PNPLA7: variants seen among roughly 807,000 people sequenced by gnomAD.
The protein encoded by PNPLA7 is patatin-like phospholipase domain-containing protein 7.
A neutral mutation model predicts 161.7 loss-of-function variants in PNPLA7; 153 were observed. The ratio of observed to expected loss-of-function variants is 0.95; its 90% confidence interval spans 0.83 to 1.08. The LOEUF is 1.08. Ranked by LOEUF, PNPLA7 falls within the 50% of genes least tolerant of loss-of-function variation. PNPLA7 has a pLI of 0.00. For synonymous variants in PNPLA7, 809 were observed against 782.1 expected (o/e 1.03, Z -0.57); for missense variants, 1,739 against 1,856.6 (o/e 0.94, Z 1.16).
Position 137,499,729 on chromosome 9 carries a change from G to C in PNPLA7, c.1757+962C>G, listed in dbSNP as rs1833275722. On this transcript the variant is annotated intron_variant, in intron 16 of 34. Coordinates refer to ENST00000406427, the MANE Select transcript of PNPLA7 (RefSeq NM_001098537.3). This position sits in a 1 kb window ranked among gnomAD's most constrained non-coding sequence, Gnocchi z 5.5. ...CCCCTTGCCCGGCTCGGGGTCCCCA[G>C]GCTGAAGCAGCAACGGCGCGGTGCC... Among the ~76,000 whole-genome samples, 1 of 152,254 alleles carries C rather than the reference G, an allele frequency of 6.6e-6. No homozygotes were observed.
rs532244437 is a variant in PNPLA7 at position 137,497,211 on chromosome 9, G to C, written c.1989C>G (p.Tyr663Ter). ...CCACGCCGACGAGGTCTCCTCGGCC[G>C]TACTCCCCGGCCAGGCGCTTCTTCC... ...DDGKKRLAGE[Y>*]GRGDLVGVVE... Residue 663 changes from tyrosine (Y) to a stop codon, truncating the protein, a stop_gained, in exon 18 of 35, where the codon TAC becomes TAG. Transcript: ENST00000406427. LOFTEE classifies it high-confidence loss of function. The C allele has an allele frequency of 6.3e-7, 1 of 1,585,894 alleles. No homozygotes were observed. The highest frequency in any genetic ancestry group is 2.3e-5 in the East Asian group (1 of 42,926).
At chr9:137,527,799 G>A (rs1056522755) in intron 8 of PNPLA7, among the ~76,000 whole-genome samples, 10 of 152,156 alleles carry the variant, frequency 6.6e-5, no homozygotes, top group Admixed American at 2.6e-4. Context: ...CTACTTTTCC[G>A]GAGAAGTTTG....
intron 10 of PNPLA7, among the ~76,000 whole-genome samples, chr9:137,521,382 C>A (rs897199945): frequency 8.5e-5 from 13 of 152,208 alleles, no homozygotes; most frequent in African/African-American, 2.9e-4. Flanking sequence ...CCAAGTCCAA[C>A]GGATCAGAGA....
chr9:137,548,414 C>T (rs529203849), intron 1 of PNPLA7, among the ~76,000 whole-genome samples: 1 of 152,290 alleles, frequency 6.6e-6, no homozygotes, highest in African/African-American at 2.4e-5. Flanking sequence ...AACACCCACC[C>T]CCGCCTCACT....
Position 137,467,338 on chromosome 9 carries a change from G to A in PNPLA7, c.3018C>T (p.Ile1006=). ...TTACCTCGGCCCACTGCTTGGCCCG[G>A]ATCCGCATCTGGCTGTAGTTCCGCT... The part of the protein sequence containing the change: ...SEERNYSQMR[I]RAKQWAEGMT... The change falls in exon 26 of 35, where the codon ATC becomes ATT. Residue 1006 remains isoleucine, a synonymous_variant. Coordinates refer to ENST00000406427, the MANE Select transcript of PNPLA7 (RefSeq NM_001098537.3). The surrounding 1 kb of genome is among the most constrained non-coding windows in gnomAD (Gnocchi z 5.1). 3 of 1,613,556 alleles carry A rather than the reference G, an allele frequency of 1.9e-6. No individual in the cohort carries two copies. The highest frequency in any genetic ancestry group is 2.5e-6 in the Non-Finnish European group (3 of 1,179,926).
At position 137,515,509 on chromosome 9, in the gene PNPLA7, G is replaced by A. The variant is rs754736512; in HGVS notation, c.1095C>T (p.Gly365=). 68 of 1,554,524 alleles carry A rather than the reference G, an allele frequency of 4.4e-5. No individual in the cohort carries two copies. Among genetic ancestry groups the A allele is most frequent in the Admixed American group, 1.2e-4 (6 of 49,518 alleles). The change falls in exon 12 of 35, where the codon GGC becomes GGT. Residue 365 remains glycine, a synonymous_variant. Coordinates refer to ENST00000406427, the MANE Select transcript of PNPLA7 (RefSeq NM_001098537.3). ...GGGGCCCAGCAGCTGCCGGGCGGCC[G>A]CCCCCGTGATCTGCTGGGGAGGCAG... is the stretch of plus-strand genomic sequence containing the variant. ...LQESCDSDHG[G]GRPAAAGPLL...
At position 137,495,097 on chromosome 9, in the gene PNPLA7, C is replaced by T. The variant is rs565836915; in HGVS notation, c.2063G>A (p.Arg688Gln). The change falls in exon 19 of 35, where the codon CGG (arginine) becomes CAG (glutamine). Residue 688 changes from arginine (R) to glutamine (Q), a missense_variant. By Grantham distance (43) the Arg-to-Gln change is conservative. Transcript: ENST00000406427. ...CGGCAGCTTGGCCAATTCTGAGTCC[C>T]GAACGGCATGCACCGTGGTCGCCCG... ...QARATTVHAV[R>Q]DSELAKLPAG... 218 of 1,609,106 alleles carry T rather than the reference C, an allele frequency of 1.4e-4. No homozygotes were observed. Among genetic ancestry groups the T allele is most frequent in the South Asian group, 6.3e-4 (57 of 91,026 alleles).
At position 137,522,717 on chromosome 9, in the gene PNPLA7, A is replaced by G. The variant is rs748207192; in HGVS notation, c.876+12T>C. ...ACAGCAGCTAGAAGAGTTGTCTGAA[A>G]AAGTGACTCACCTGCACCACCCTCA... On this transcript the variant is annotated intron_variant, in intron 9 of 34. Coordinates refer to ENST00000406427, the MANE Select transcript of PNPLA7 (RefSeq NM_001098537.3). 3.1e-6 allele frequency: 5 copies of G among 1,613,154 alleles called. No individual in the cohort carries two copies. Among genetic ancestry groups the G allele is most frequent in the Non-Finnish European group, 4.2e-6 (5 of 1,179,612 alleles).
intron 12 of PNPLA7, among the ~76,000 whole-genome samples, chr9:137,511,904 C>A (rs141267268): frequency 6.6e-6 from 1 of 152,182 alleles, no homozygotes; most frequent in Non-Finnish European, 1.5e-5. Context: ...AAGGGAAAGG[C>A]CCCCTGTCAC....
chr9:137,518,401 A>G (rs1588664168), intron 11 of PNPLA7, among the ~76,000 whole-genome samples: 1 of 37,830 alleles, frequency 2.6e-5, no homozygotes, highest in Non-Finnish European at 4.6e-5. Context: ...TCACTCACTC[A>G]CTCCACTCTG....
At chr9:137,461,889 G>T (rs757217289) in intron 32 of PNPLA7, 42 bp downstream of exon 32, 2 of 1,455,642 alleles carry the variant, frequency 1.4e-6, no homozygotes, top group Non-Finnish European at 1.8e-6. Context: ...AGAACTGGGC[G>T]CGGTCCGGGG....
chr9:137,485,887 A>G (rs1400631004), intron 20 of PNPLA7, among the ~76,000 whole-genome samples: 2 of 152,158 alleles, frequency 1.3e-5, no homozygotes, highest in African/African-American at 4.8e-5. Context: ...CTGGGACTTG[A>G]GAGTCCCCCA....
intron 14 of PNPLA7, among the ~76,000 whole-genome samples, chr9:137,503,570 AGGAGAAGGAGAAGGAGGAG>A (rs1354116087): frequency 1.7e-4 from 19 of 110,966 alleles, no homozygotes; most frequent in Non-Finnish European, 3.0e-4. Context: ...AGGAGGAGGA[AGGAGAAGGAGAAGGAGGAG>A]GGAGAAGGAG....
chr9:137,482,462 TG>T (rs1564295316), intron 21 of PNPLA7, among the ~76,000 whole-genome samples: 1 of 152,156 alleles, frequency 6.6e-6, no homozygotes, highest in African/African-American at 2.4e-5. Flanking sequence ...CGTGACTGAG[TG>T]GGAGAAGGCC....
chr9:137,513,955 G>A (rs1328787693), intron 12 of PNPLA7, among the ~76,000 whole-genome samples: 3 of 152,268 alleles, frequency 2.0e-5, no homozygotes, highest in Admixed American at 6.5e-5. Context: ...GGTGGCAGAC[G>A]GCAGAGGGGG....
intron 8 of PNPLA7, among the ~76,000 whole-genome samples, chr9:137,535,613 C>T (rs1835842979): frequency 6.6e-6 from 1 of 151,408 alleles, no homozygotes; most frequent in Admixed American, 6.6e-5. Flanking sequence ...ATTAGCTGGG[C>T]ATGGTGGTGG....
chr9:137,466,499 C>T (rs911247060), intron 26 of PNPLA7, among the ~76,000 whole-genome samples: 1 of 150,980 alleles, frequency 6.6e-6, no homozygotes, highest in Non-Finnish European at 1.5e-5. Context: ...CCACCTCGAC[C>T]ATCTAAGACC....
At position 137,468,232 on chromosome 9, in the gene PNPLA7, C is replaced by T. The variant is rs1013002309; in HGVS notation, c.2883-759G>A. Among the ~76,000 whole-genome samples, 1 of 151,564 alleles carries T rather than the reference C, an allele frequency of 6.6e-6. No individual in the cohort carries two copies. ...AGACCAGGCAGCCGGCACCCAGGGC[C>T]TCTAATTGCTACTGCTGCTTTCATA... On this transcript the variant is annotated intron_variant, in intron 25 of 34. Coordinates refer to ENST00000406427, the MANE Select transcript of PNPLA7 (RefSeq NM_001098537.3). The surrounding 1 kb of genome is among the most constrained non-coding windows in gnomAD (Gnocchi z 4.0).
Position 137,460,662 on chromosome 9 carries a change from C to T in PNPLA7, c.3917G>A (p.Ser1306Asn). 1 of 1,612,816 alleles carries T rather than the reference C, an allele frequency of 6.2e-7. No homozygotes were observed. The highest frequency in any genetic ancestry group is 8.5e-7 in the Non-Finnish European group (1 of 1,179,914). ...VPRDAYADFQ[S>N]TSAQQGSDLE... is the part of the protein sequence containing the mutation. ...GTCTGAGCCCTGCTGGGCTGAGGTG[C>T]TCTGGAAGTCTGCGTATGCATCCCT... The change falls in exon 34 of 35, where the codon AGC becomes AAC. Residue 1306 changes from serine to asparagine, a missense_variant. Around this residue, in one of 6 missense-constraint regions of PNPLA7, gnomAD observed 703 missense variants for 694.6 expected, o/e 1.01. Coordinates refer to ENST00000406427, the MANE Select transcript of PNPLA7 (RefSeq NM_001098537.3).
Sources: gnomAD v4.1 joint callset for allele counts (sites outside exome capture counted in the v4.1 genomes callset) on GRCh38, gnomAD v4.1.1 for gene constraint, gnomAD v4.1.1 regional missense constraint, Gnocchi (gnomAD v3.1) non-coding constraint, MANE v1.5 for transcripts, NCBI Gene and HGNC (gene_info 2026-07-23, HGNC 2026-07-21) for gene names.